Variants in RAD21 observed in about 807,000 individuals in gnomAD.
RAD21 encodes the protein RAD21 cohesin complex component, also known as double-strand-break repair protein rad21 homolog.
Under a neutral mutation model 71.5 loss-of-function variants are expected in RAD21, and 18 were observed. That is an observed-to-expected ratio of 0.25 (90% CI 0.17 to 0.37). RAD21 has a LOEUF of 0.37. Ranked by LOEUF, RAD21 falls within the 10% of genes least tolerant of loss-of-function variation. RAD21 has a pLI of 1.00. For synonymous variants in RAD21, 248 were observed against 254.0 expected, an observed-to-expected ratio of 0.98 and a Z score of 0.22; for missense variants, 493 against 769.1, an observed-to-expected ratio of 0.64 and a Z score of 4.25.
Position 116,850,647 on chromosome 8 carries a change from T to C in RAD21, c.1591A>G (p.Lys531Glu). 2 of 1,609,672 alleles carry C rather than the reference T, an allele frequency of 1.2e-6. No homozygotes were observed. Among genetic ancestry groups the C allele is most frequent in the Non-Finnish European group, 1.7e-6 (2 of 1,176,382 alleles). Residue 531 changes from lysine (K) to glutamate (E), a missense_variant, in exon 12 of 14, where the codon AAG (lysine) becomes GAG (glutamate). Coordinates refer to ENST00000297338, the MANE Select transcript of RAD21 (RefSeq NM_006265.3). Reference protein sequence around the residue: ...LLPEKEKEKEKEKEDDEEEED... With the variant: ...LLPEKEKEKEEEKEDDEEEED... Reference sequence around the variant, plus strand: ...TCCTCTTCATCATCTTCTTTTTCCTTCTCTTTCTCCTTCTCTTTTTCTGGC... The same window carrying C: ...TCCTCTTCATCATCTTCTTTTTCCTCCTCTTTCTCCTTCTCTTTTTCTGGC...
At chr8:116,862,207 T>C (rs1005961375) in intron 3 of RAD21, among the ~76,000 whole-genome samples, 1 of 152,166 alleles carries the variant, frequency 6.6e-6, no homozygotes, top group Non-Finnish European at 1.5e-5. Flanking sequence ...AATAGTTTCC[T>C]AATTAAACAT....
intron 8 of RAD21, 149 bp downstream of exon 8, chr8:116,856,017 A>T: frequency 1.3e-6 from 1 of 749,322 alleles, no homozygotes; most frequent in Non-Finnish European, 2.0e-6. Context: ...CTAAAGCAAC[A>T]GTAGCAGATC....
chr8:116,874,696 C>T lies in RAD21; in HGVS notation c.-118G>A, dbSNP rs1165849747. The T allele has an allele frequency of 4.7e-6, 2 of 429,690 alleles. No individual in the cohort carries two copies. The highest frequency in any genetic ancestry group is 7.0e-5 in the East Asian group (1 of 14,272). 26.6% of individuals were successfully genotyped at this position (429,690 alleles called of 1,614,324 possible). A position where few individuals can be genotyped will look rare whatever the true frequency, so the allele number is the denominator to read the frequency against. ...GAGGGGGTGGGGAAAGGGGGGAGCC[C>T]TTGCGAGGTGTAGCTTCCGAGCAGC... On this transcript the variant is annotated 5_prime_UTR_variant, in exon 1 of 14. Coordinates refer to ENST00000297338, the MANE Select transcript of RAD21 (RefSeq NM_006265.3).
At chr8:116,870,849 T>A (rs1184894707) in intron 1 of RAD21, among the ~76,000 whole-genome samples, 6 of 152,190 alleles carry the variant, frequency 3.9e-5, no homozygotes, top group African/African-American at 7.2e-5. Context: ...ATGTAAAAAA[T>A]TTTAGACGTT....
At chr8:116,848,238 T>C (rs566464700) in intron 13 of RAD21, among the ~76,000 whole-genome samples, 20 of 152,316 alleles carry the variant, frequency 1.3e-4, no homozygotes, top group Admixed American at 1.0e-3. Flanking sequence ...CTTTTTTAAA[T>C]AGTATGTGAT....
At chr8:116,862,421 TGTTA>T (rs1380243731) in intron 3 of RAD21, among the ~76,000 whole-genome samples, 2 of 152,118 alleles carry the variant, frequency 1.3e-5, no homozygotes, top group Non-Finnish European at 2.9e-5. Context: ...ATTGGTCACA[TGTTA>T]ATTTAAGTAT....
Position 116,872,313 on chromosome 8 carries a change from A to G in RAD21, c.-33+2298T>C, listed in dbSNP as rs531437444. On this transcript the variant is annotated intron_variant, in intron 1 of 13. Transcript: ENST00000297338. ...GGACAATTGTACAGTACAACTTTAA[A>G]CAAGAATACAACATTTGTACTAACA... Among the ~76,000 whole-genome samples, 3 of 152,294 alleles carry G rather than the reference A, an allele frequency of 2.0e-5. No individual in the cohort carries two copies. In the East Asian group the frequency reaches 5.8e-4, roughly 29 times the overall value.
chr8:116,855,597 A>G (rs924205379), intron 8 of RAD21, among the ~76,000 whole-genome samples: 1 of 152,154 alleles, frequency 6.6e-6, no homozygotes, highest in Admixed American at 6.5e-5. Context: ...AGGTCTTACT[A>G]TATTTACTGC....
intron 1 of RAD21, among the ~76,000 whole-genome samples, chr8:116,870,496 A>T (rs1473208241): frequency 1.3e-5 from 2 of 152,258 alleles, no homozygotes; most frequent in Non-Finnish European, 2.9e-5. Context: ...TATTTTATAG[A>T]TTAAAACATG....
At chr8:116,866,198 C>T (rs1334427392) in intron 2 of RAD21, among the ~76,000 whole-genome samples, 1 of 149,726 alleles carries the variant, frequency 6.7e-6, no homozygotes, top group Non-Finnish European at 1.5e-5. Context: ...AATATGTAGC[C>T]TTTTTAGATT....
Position 116,847,259 on chromosome 8 carries a change from T to A in RAD21, c.*241A>T. 1 of 428,008 alleles carries A rather than the reference T, an allele frequency of 2.3e-6. No homozygotes were observed. Among genetic ancestry groups the A allele is most frequent in the South Asian group, 5.2e-5 (1 of 19,376 alleles). The allele number at this position is 428,008 out of a possible 1,614,324, so 26.5% of individuals were successfully genotyped here. Reference sequence around the variant, plus strand: ...CATCTGTTCTGAACTGTTAAAATCATCTTCTGAGTCCTTGGGGTGCTGTTT... The same window carrying A: ...CATCTGTTCTGAACTGTTAAAATCAACTTCTGAGTCCTTGGGGTGCTGTTT... On this transcript the variant is annotated 3_prime_UTR_variant, in exon 14 of 14. Coordinates refer to ENST00000297338, the MANE Select transcript of RAD21 (RefSeq NM_006265.3).
At chr8:116,873,634 CTGT>C (rs1812890937) in intron 1 of RAD21, among the ~76,000 whole-genome samples, 1 of 137,686 alleles carries the variant, frequency 7.3e-6, no homozygotes. Context: ...CGCACAAACG[CTGT>C]TTTTTTTTTC....
chr8:116,850,801 T>C (rs749477383), intron 11 of RAD21, 34 bp from the exon 12 acceptor site: 9 of 1,416,696 alleles, frequency 6.4e-6, no homozygotes, highest in African/African-American at 4.3e-5. Context: ...ATTTAAGATA[T>C]ATGCTTTTAA....
intron 8 of RAD21, 46 bp from the exon 9 acceptor site, chr8:116,854,514 A>G (rs908977328): frequency 1.6e-5 from 23 of 1,416,266 alleles, no homozygotes; most frequent in Admixed American, 5.1e-5. Context: ...AGAGGCCAGC[A>G]TGGAACACAC....
intron 11 of RAD21, chr8:116,851,741 A>T: frequency 2.2e-6 from 1 of 448,054 alleles, no homozygotes; most frequent in Admixed American, 3.5e-5. Context: ...CTATTCAAAA[A>T]GAGTCAGGAA....
At chr8:116,870,353 C>T (rs1812793322) in intron 1 of RAD21, among the ~76,000 whole-genome samples, 1 of 151,854 alleles carries the variant, frequency 6.6e-6, no homozygotes, top group Non-Finnish European at 1.5e-5. Flanking sequence ...ATAGCAAGAC[C>T]CCGTGTTTAT....
At chr8:116,858,314 C>T (rs1228011939) in intron 5 of RAD21, 38 bp downstream of exon 5, 4 of 1,463,624 alleles carry the variant, frequency 2.7e-6, no homozygotes, top group Admixed American at 1.7e-5. Flanking sequence ...CACAATATAA[C>T]ATTATAATTA....
At chr8:116,866,903 AAAC>A (rs1812706684) in intron 1 of RAD21, 142 bp from the exon 2 acceptor site, 1 of 500,466 alleles carries the variant, frequency 2.0e-6, no homozygotes, top group African/African-American at 2.0e-5. Context: ...TGTATTTTAA[AAAC>A]AACAGATTTA....
In RAD21 at chr8:116,846,656, C is replaced by A. The variant is rs759302194; in HGVS notation, c.*844G>T. ...CCCATCAGTCTGTCCTTGTAGTAGGCAGGGCAATTTCTGTTTTCATGATCG... is the reference window on the plus strand; with the variant it reads ...CCCATCAGTCTGTCCTTGTAGTAGGAAGGGCAATTTCTGTTTTCATGATCG... On this transcript the variant is annotated 3_prime_UTR_variant, in exon 14 of 14. Transcript: ENST00000297338. 4 of 225,318 alleles carry A rather than the reference C, an allele frequency of 1.8e-5. No individual in the cohort carries two copies. The highest frequency in any genetic ancestry group is 5.7e-5 in the Admixed American group (1 of 17,538). 14.0% of individuals were successfully genotyped at this position (225,318 alleles called of 1,614,324 possible). A position where few individuals can be genotyped will look rare whatever the true frequency, so the allele number is the denominator to read the frequency against.
Sources: gnomAD v4.1 joint callset for allele counts (sites outside exome capture counted in the v4.1 genomes callset) on GRCh38, gnomAD v4.1.1 for gene constraint, MANE v1.5 for transcripts, NCBI Gene and HGNC (gene_info 2026-07-23, HGNC 2026-07-21) for gene names.